The following PRAMEF1 variants were observed in gnomAD, a reference collection of about 807,000 sequenced individuals.
PRAMEF1 encodes PRAME family member 1.
In PRAMEF1, 21 loss-of-function variants were observed where a neutral mutation model predicts 38.2. The observed-to-expected ratio is 0.55, with a 90% confidence interval of 0.39 to 0.79. PRAMEF1 has a LOEUF of 0.79. Ranked by LOEUF, PRAMEF1 falls within the 30% of genes least tolerant of loss-of-function variation. The pLI, the probability that PRAMEF1 is intolerant of heterozygous loss-of-function variation, is 0.00. For synonymous variants in PRAMEF1, 200 were observed against 229.0 expected, an observed-to-expected ratio of 0.87 and a Z score of 1.14; for missense variants, 497 against 565.8, an observed-to-expected ratio of 0.88 and a Z score of 1.23.
In PRAMEF1 at chr1:12,794,100, T is replaced by C; in HGVS notation, c.473T>C (p.Ile158Thr). 1 of 1,609,700 alleles carries C rather than the reference T, an allele frequency of 6.2e-7. No individual in the cohort carries two copies. The highest frequency in any genetic ancestry group is 1.1e-5 in the South Asian group (1 of 90,684). ...TTCATAGACATCTGCCTCAAGGAAA[T>C]ACCCCAGGATGAATGCCTGAGATAC... ...KVFIDICLKEIPQDECLRYLF... is the reference protein window; with the variant it reads ...KVFIDICLKETPQDECLRYLF... The change falls in exon 3 of 4, where the codon ATA (isoleucine) becomes ACA (threonine). Residue 158 changes from isoleucine (I) to threonine (T), a missense_variant. By Grantham distance (89) the Ile-to-Thr change is moderately conservative (BLOSUM62 -1). Transcript: ENST00000332296.
Position 12,794,402 on chromosome 1 carries a change from T to C in PRAMEF1, c.775T>C (p.Phe259Leu). 2 of 1,603,362 alleles carry C rather than the reference T, an allele frequency of 1.2e-6. No homozygotes were observed. The highest frequency in any genetic ancestry group is 1.7e-6 in the Non-Finnish European group (2 of 1,173,676). Residue 259 changes from phenylalanine to leucine, a missense_variant, in exon 3 of 4, where the codon TTC (phenylalanine) becomes CTC (leucine). By Grantham distance (22) the Phe-to-Leu change is conservative (BLOSUM62 0). Transcript: ENST00000332296. ...NELEGRLVAKFSSVFLRLEHL... is the reference protein window; with the variant it reads ...NELEGRLVAKLSSVFLRLEHL... ...ACTCGAAGGACGGTTAGTTGCCAAA[T>C]TCAGCTCTGTGTTCCTCAGGCTGGA...
chr1:12,793,244 C>A lies in PRAMEF1; in HGVS notation c.17C>A (p.Pro6Gln), dbSNP rs777008554. The A allele has an allele frequency of 1.2e-6, 2 of 1,606,790 alleles. No individual in the cohort carries two copies. The highest frequency in any genetic ancestry group is 3.4e-5 in the Admixed American group (2 of 59,386). MSIQA[P>Q]PRLLELAGQS... is the part of the protein sequence containing the mutation. ...TCTATCAGGATGAGCATCCAGGCCCCACCCAGACTACTGGAGCTGGCAGGG... is the reference window on the plus strand; with the variant it reads ...TCTATCAGGATGAGCATCCAGGCCCAACCCAGACTACTGGAGCTGGCAGGG... The change falls in exon 2 of 4, where the codon CCA becomes CAA. Residue 6 changes from proline to glutamine, a missense_variant. Coordinates refer to ENST00000332296, the MANE Select transcript of PRAMEF1 (RefSeq NM_023013.4).
Position 12,796,097 on chromosome 1 carries a change from A to G in PRAMEF1, c.*101A>G, listed in dbSNP as rs1167781113. ...GTGCAAACTATTTTTCTCTTTTCTTATTTATTTCATTTTTTAATAATTCCA... is the reference window on the plus strand; with the variant it reads ...GTGCAAACTATTTTTCTCTTTTCTTGTTTATTTCATTTTTTAATAATTCCA... On this transcript the variant is annotated 3_prime_UTR_variant, in exon 4 of 4. Coordinates refer to ENST00000332296, the MANE Select transcript of PRAMEF1 (RefSeq NM_023013.4). The G allele has an allele frequency of 7.7e-7, 1 of 1,304,890 alleles. No homozygotes were observed. The highest frequency in any genetic ancestry group is 2.8e-4 in the Middle Eastern group (1 of 3,606). The allele number at this position is 1,304,890 out of a possible 1,614,324, so 80.8% of individuals were successfully genotyped here.
chr1:12,794,753 A>G (rs370923885), intron 3 of PRAMEF1: 1 of 1,392,826 alleles, frequency 7.2e-7, no homozygotes. Flanking sequence ...TGGGGGTTTC[A>G]GCTCTATTGG....
At chr1:12,792,685 T>C (rs752264609) in intron 1 of PRAMEF1, among the ~76,000 whole-genome samples, 5 of 151,316 alleles carry the variant, frequency 3.3e-5, no homozygotes, top group Non-Finnish European at 7.4e-5. Flanking sequence ...CAAATGATTC[T>C]TAATTTTTTT....
chr1:12,792,907 G>A (rs1299842227), intron 1 of PRAMEF1, among the ~76,000 whole-genome samples: 19 of 150,958 alleles, frequency 1.3e-4, no homozygotes, highest in Non-Finnish European at 2.1e-4. Context: ...TGTTTATGGT[G>A]TAAACTGAGA....
In PRAMEF1 at chr1:12,793,416, C is replaced by T. The variant is rs1639330640; in HGVS notation, c.189C>T (p.Cys63=). The T allele has an allele frequency of 3.7e-6, 6 of 1,609,994 alleles. No individual in the cohort carries two copies. The highest frequency in any genetic ancestry group is 5.1e-6 in the Non-Finnish European group (6 of 1,177,950). ...TVMVQAWPFT[C]LPLGSLMKTL... ...TGGTTCAGGCCTGGCCCTTCACCTGCCTCCCTCTGGGATCACTGATGAAGA... is the reference window on the plus strand; with the variant it reads ...TGGTTCAGGCCTGGCCCTTCACCTGTCTCCCTCTGGGATCACTGATGAAGA... Residue 63 remains cysteine (C), a synonymous_variant, in exon 2 of 4, where the codon TGC becomes TGT. Transcript: ENST00000332296.
intron 2 of PRAMEF1, 83 bp downstream of exon 2, chr1:12,793,597 G>A (rs1473204579): frequency 1.3e-6 from 2 of 1,547,584 alleles, no homozygotes; most frequent in African/African-American, 2.7e-5. Context: ...AGTAGCCCAA[G>A]TGTGGCCCAG....
intron 1 of PRAMEF1, among the ~76,000 whole-genome samples, chr1:12,792,423 G>C (rs1270291385): frequency 6.6e-6 from 1 of 151,196 alleles, no homozygotes; most frequent in African/African-American, 2.4e-5. Context: ...TGTACTCTGA[G>C]TGTGTCACCC....
rs548498776 is a variant in PRAMEF1 at position 12,795,468 on chromosome 1, A to G, written c.897A>G (p.Glu299=). 1.7e-5 allele frequency: 28 copies of G among 1,612,182 alleles called. 2 individuals carry two copies. The South Asian group carries it at 2.3e-4, about 13-fold the overall frequency. Residue 299 remains glutamate, a synonymous_variant, in exon 4 of 4, where the codon GAA becomes GAG. Coordinates refer to ENST00000332296, the MANE Select transcript of PRAMEF1 (RefSeq NM_023013.4). ...TCCAGAACCCCTTGGAGAACTTGGA[A>G]TTAACTTATGGCTACCTATTGGAAG... ...RCLQNPLENL[E]LTYGYLLEED...
At position 12,793,356 on chromosome 1, in the gene PRAMEF1, C is replaced by T; in HGVS notation, c.129C>T (p.Ala43=). The change falls in exon 2 of 4, where the codon GCC becomes GCT. Residue 43 remains alanine, a synonymous_variant. Coordinates refer to ENST00000332296, the MANE Select transcript of PRAMEF1 (RefSeq NM_023013.4). Reference sequence around the variant, plus strand: ...TCTATCTCCCACTCTTCATGGAGGCCTTCAGCAGGAGACACTTCCAGACTC... The same window carrying T: ...TCTATCTCCCACTCTTCATGGAGGCTTTCAGCAGGAGACACTTCCAGACTC... ...RVLYLPLFME[A]FSRRHFQTLT... is the part of the protein sequence containing the mutation. The T allele has an allele frequency of 6.2e-7, 1 of 1,609,868 alleles. No individual in the cohort carries two copies. Among genetic ancestry groups the T allele is most frequent in the Non-Finnish European group, 8.5e-7 (1 of 1,177,934 alleles).
Position 12,793,248 on chromosome 1 carries a change from C to G in PRAMEF1, c.21C>G (p.Pro7=), listed in dbSNP as rs1063755. 1.4e-5 allele frequency: 22 copies of G among 1,606,644 alleles called. 1 individual carries two copies. The highest frequency in any genetic ancestry group is 2.2e-4 in the Middle Eastern group (1 of 4,470). MSIQAP[P]RLLELAGQSL... is the part of the protein sequence containing the mutation. ...TCAGGATGAGCATCCAGGCCCCACC[C>G]AGACTACTGGAGCTGGCAGGGCAGA... The change falls in exon 2 of 4, where the codon CCC becomes CCG. Residue 7 remains proline (P), a synonymous_variant. Coordinates refer to ENST00000332296, the MANE Select transcript of PRAMEF1 (RefSeq NM_023013.4).
rs558279504 is a variant in PRAMEF1, at chr1:12,791,664, T to G, written c.-26+190T>G. ...ATCAAATTGTGATTTGTGCTTGGTT[T>G]TTGTCATTTTAAAATTCTTATCGAA... On this transcript the variant is annotated intron_variant, in intron 1 of 3. Transcript: ENST00000332296. Among the ~76,000 whole-genome samples the G allele has an allele frequency of 3.5e-3, 521 of 150,998 alleles. 5 individuals carry two copies. The highest frequency in any genetic ancestry group is 0.012 in the African/African-American group (494 of 41,282).
intron 2 of PRAMEF1, 137 bp downstream of exon 2, chr1:12,793,651 C>G (rs1639335806): frequency 6.5e-7 from 1 of 1,543,774 alleles, no homozygotes; most frequent in Non-Finnish European, 8.8e-7. Context: ...GAGGCTTTGG[C>G]CATTTTCCAG....
In PRAMEF1 at chr1:12,791,410, A is replaced by T. The variant is rs1445721732; in HGVS notation, c.-90A>T. ...TACCCAGAAGAGACCCACAGCACTC[A>T]TTCCTGGAGCTACTGGTTGGTTTCC... On this transcript the variant is annotated 5_prime_UTR_variant, in exon 1 of 4. Transcript: ENST00000332296. 1 of 143,316 alleles carries T rather than the reference A, an allele frequency of 7.0e-6. No individual in the cohort carries two copies. The highest frequency in any genetic ancestry group is 2.5e-5 in the African/African-American group (1 of 40,552). 8.9% of individuals were successfully genotyped at this position (143,316 alleles called of 1,614,324 possible). A position where few individuals can be genotyped will look rare whatever the true frequency, so the allele number is the denominator to read the frequency against.
chr1:12,793,187 T>C lies in PRAMEF1; in HGVS notation c.-25-16T>C. ...TGCCCTGAGAGTGACACATTTTCCC[T>C]GGATTTGTCTTCTAGAGATTTTCCT... On this transcript the variant is annotated splice_polypyrimidine_tract_variant and intron_variant, in intron 1 of 3. Transcript: ENST00000332296. 2 of 1,604,280 alleles carry C rather than the reference T, an allele frequency of 1.2e-6. No individual in the cohort carries two copies. The highest frequency in any genetic ancestry group is 1.7e-6 in the Non-Finnish European group (2 of 1,175,510).
rs758951525 is a variant in PRAMEF1, at chr1:12,794,380, C to T, written c.753C>T (p.Leu251=). 1.1e-5 allele frequency: 17 copies of T among 1,611,644 alleles called. No homozygotes were observed. The highest frequency in any genetic ancestry group is 5.5e-5 in the South Asian group (5 of 90,796). The change falls in exon 3 of 4, where the codon CTC becomes CTT. Residue 251 remains leucine (L), a synonymous_variant. Coordinates refer to ENST00000332296, the MANE Select transcript of PRAMEF1 (RefSeq NM_023013.4). ...ATCATTACACGTCAGATAATGAACT[C>T]GAAGGACGGTTAGTTGCCAAATTCA... ...RCHHYTSDNE[L]EGRLVAKFSS...
In PRAMEF1 at chr1:12,793,176, C is replaced by T. The variant is rs76124530; in HGVS notation, c.-25-27C>T. 1,350 of 1,602,128 alleles carry T rather than the reference C, an allele frequency of 8.4e-4. 75 individuals carry two copies. The South Asian group carries it at 0.014, about 16-fold the overall frequency. ...ATGATTGTCTTTGCCCTGAGAGTGA[C>T]ACATTTTCCCTGGATTTGTCTTCTA... On this transcript the variant is annotated intron_variant, in intron 1 of 3. Coordinates refer to ENST00000332296, the MANE Select transcript of PRAMEF1 (RefSeq NM_023013.4).
intron 1 of PRAMEF1, 106 bp downstream of exon 1, chr1:12,791,580 C>A (rs55821281): frequency 7.1e-6 from 1 of 141,682 alleles, no homozygotes; most frequent in African/African-American, 2.5e-5. Flanking sequence ...CTGTCTGTTT[C>A]GTGAGATGAA....
Sources: gnomAD v4.1 joint callset for allele counts (sites outside exome capture counted in the v4.1 genomes callset) on GRCh38, gnomAD v4.1.1 for gene constraint, MANE v1.5 for transcripts, NCBI Gene and HGNC (gene_info 2026-07-23, HGNC 2026-07-21) for gene names.